ROBO2: variants seen among roughly 807,000 people sequenced by gnomAD.
ROBO2 encodes the protein roundabout guidance receptor 2, also known as roundabout homolog 2.
In ROBO2, 53 loss-of-function variants were observed where a neutral mutation model predicts 160.8. That is an observed-to-expected ratio of 0.33 (90% CI 0.26 to 0.41). The LOEUF is 0.41. ROBO2 is among the 10% of genes least tolerant of loss of function. ROBO2 has a pLI of 1.00. For missense variants in ROBO2, 1,577 were observed against 1,722.4 expected, an observed-to-expected ratio of 0.92 and a Z score of 1.49; for synonymous variants, 664 against 611.7, an observed-to-expected ratio of 1.09 and a Z score of -1.26.
At chr3:76,170,790 A>G (rs1001369941) in intron 2 of ROBO2, among the ~76,000 whole-genome samples, 3 of 152,166 alleles carry the variant, frequency 2.0e-5, no homozygotes, top group Non-Finnish European at 4.4e-5. Flanking sequence ...GATTATGCCA[A>G]ATAATGCTAT....
intron 2 of ROBO2, among the ~76,000 whole-genome samples, chr3:76,261,444 G>T (rs147337411): frequency 4.0e-5 from 6 of 151,612 alleles, no homozygotes; most frequent in African/African-American, 1.2e-4. Flanking sequence ...ATTTTTTTGG[G>T]GGGGAACTAT....
In ROBO2 at chr3:76,794,476, G is replaced by A. The variant is rs191126202; in HGVS notation, c.110-303538G>A. On this transcript the variant is annotated intron_variant, in intron 2 of 26. Coordinates refer to the ROBO2 transcript ENST00000487694. ...AAGAAGTTCTATAAATATAGTATACGTGAAGGTAATGTATCAAGGGTTTTG... is the reference window on the plus strand; with the variant it reads ...AAGAAGTTCTATAAATATAGTATACATGAAGGTAATGTATCAAGGGTTTTG... Among the ~76,000 whole-genome samples the A allele has an allele frequency of 3.6e-4, 55 of 152,034 alleles. No homozygotes were observed. In the South Asian group the frequency reaches 3.7e-3, roughly 10 times the overall value.
intron 2 of ROBO2, among the ~76,000 whole-genome samples, chr3:76,157,675 A>G (rs2072461102): frequency 6.6e-6 from 1 of 152,174 alleles, no homozygotes; most frequent in South Asian, 2.1e-4. Flanking sequence ...CTTTTGTGGA[A>G]ACAACAGAAC....
At chr3:76,483,777 C>T (rs72900568) in intron 2 of ROBO2, among the ~76,000 whole-genome samples, 53 of 152,222 alleles carry the variant, frequency 3.5e-4, no homozygotes, top group African/African-American at 1.3e-3. Flanking sequence ...CATGAGTTCT[C>T]ATCCTTTAGC....
At chr3:76,460,027 T>C (rs542410651) in intron 2 of ROBO2, among the ~76,000 whole-genome samples, 47 of 152,110 alleles carry the variant, frequency 3.1e-4, no homozygotes, top group Non-Finnish European at 5.0e-4. Flanking sequence ...AGAAAAGATA[T>C]CTTTATTTTT....
chr3:75,938,630 G>C (rs564400317), intron 2 of ROBO2, among the ~76,000 whole-genome samples: 28 of 152,174 alleles, frequency 1.8e-4, no homozygotes, highest in African/African-American at 6.3e-4. Context: ...TTGCTAGTTT[G>C]AAGTATCTAA....
At chr3:75,977,487 T>G (rs2065162546) in intron 2 of ROBO2, among the ~76,000 whole-genome samples, 1 of 151,566 alleles carries the variant, frequency 6.6e-6, no homozygotes, top group African/African-American at 2.4e-5. Flanking sequence ...AGTTGGAAAC[T>G]CTTCCTTTTT....
intron 2 of ROBO2, among the ~76,000 whole-genome samples, chr3:76,296,684 G>T (rs1240592335): frequency 1.3e-5 from 2 of 152,158 alleles, no homozygotes; most frequent in Non-Finnish European, 2.9e-5. Context: ...AGTATTTCTT[G>T]TGCAACTATG....
In ROBO2 at chr3:76,138,679, A is replaced by G. The variant is rs146828226; in HGVS notation, c.109+201077A>G. On this transcript the variant is annotated intron_variant, in intron 2 of 26. Coordinates refer to the ROBO2 transcript ENST00000487694. The stretch of plus-strand genomic sequence containing the variant: ...ATGATTTTCAGGTATGCTATATAGT[A>G]TCTACTACTTGTCCACAGAATCCAA... Among the ~76,000 whole-genome samples, 148 of 152,230 alleles carry G rather than the reference A, an allele frequency of 9.7e-4. 1 individual carries two copies. Among genetic ancestry groups the G allele is most frequent in the East Asian group, 4.1e-3 (21 of 5,180 alleles).
At chr3:75,922,900 T>G (rs564323975) in intron 1 of ROBO2, among the ~76,000 whole-genome samples, 1 of 152,300 alleles carries the variant, frequency 6.6e-6, no homozygotes, top group South Asian at 2.1e-4. Context: ...TAATGACAAA[T>G]GCATGTTCAT....
At chr3:77,450,482 A>G (rs1011839549) in intron 2 of ROBO2, among the ~76,000 whole-genome samples, 1 of 152,068 alleles carries the variant, frequency 6.6e-6, no homozygotes, top group African/African-American at 2.4e-5. Context: ...AAGTGATGTG[A>G]GTTTTACAGA....
intron 2 of ROBO2, among the ~76,000 whole-genome samples, chr3:77,297,953 C>T (rs1276964838): frequency 6.6e-6 from 1 of 152,070 alleles, no homozygotes; most frequent in Admixed American, 6.6e-5. Flanking sequence ...TGGACATGGG[C>T]CAAGAAGGTT....
exon 7 of ROBO2, chr3:77,546,349 T>C (rs1488990365): frequency 1.9e-6 from 3 of 1,612,996 alleles, no homozygotes; most frequent in Non-Finnish European, 1.7e-6. Context: ...TCCCCCACAG[T>C]TTGTGGTTCG....
At chr3:76,399,329 A>G (rs1372413305) in intron 2 of ROBO2, among the ~76,000 whole-genome samples, 1 of 151,688 alleles carries the variant, frequency 6.6e-6, no homozygotes, top group Admixed American at 6.6e-5. Context: ...GTTCTTTATG[A>G]CAGCACCTAG....
chr3:77,281,927 T>C (rs1483970054), intron 2 of ROBO2, among the ~76,000 whole-genome samples: 2 of 152,146 alleles, frequency 1.3e-5, no homozygotes, highest in Non-Finnish European at 2.9e-5. Flanking sequence ...GCTCAGGCGG[T>C]AATGCTCGCT....
At chr3:76,399,227 T>C (rs1346705875) in intron 2 of ROBO2, among the ~76,000 whole-genome samples, 1 of 151,752 alleles carries the variant, frequency 6.6e-6, no homozygotes, top group Non-Finnish European at 1.5e-5. Flanking sequence ...TCTTGGGTAG[T>C]AAATAAGATA....
chr3:76,216,935 A>C (rs1703578534), intron 2 of ROBO2, among the ~76,000 whole-genome samples: 1 of 152,184 alleles, frequency 6.6e-6, no homozygotes, highest in Non-Finnish European at 1.5e-5. Flanking sequence ...GCAAATGTAA[A>C]AGAACAGAAA....
intron 2 of ROBO2, among the ~76,000 whole-genome samples, chr3:76,044,877 A>C (rs745872293): frequency 1.6e-4 from 25 of 152,040 alleles, no homozygotes; most frequent in Non-Finnish European, 3.2e-4. Context: ...AAAAGATTAC[A>C]GTGAGGTCAG....
intron 2 of ROBO2, among the ~76,000 whole-genome samples, chr3:76,178,414 A>G (rs2107075654): frequency 6.6e-6 from 1 of 152,332 alleles, no homozygotes; most frequent in South Asian, 2.1e-4. Flanking sequence ...TGAAGCTTAA[A>G]TTGGTGTAGA....
Sources: allele counts gnomAD v4.1 joint callset (sites outside exome capture counted in the v4.1 genomes callset), GRCh38; gene constraint gnomAD v4.1.1; transcripts MANE v1.5; gene names NCBI Gene and HGNC (gene_info 2026-07-23, HGNC 2026-07-21).